The following ZNF704 variants were observed in gnomAD, a reference collection of about 807,000 sequenced individuals.
ZNF704 encodes the protein glucocorticoid induced gene 1.
Under a neutral mutation model 44.7 loss-of-function variants are expected in ZNF704, and 10 were observed. The observed-to-expected ratio is 0.22, with a 90% CI of 0.14 to 0.38. The LOEUF (loss-of-function observed/expected upper bound fraction) is 0.38. Ranked by LOEUF, ZNF704 falls within the 10% of genes least tolerant of loss-of-function variation. The pLI is 1.00. For missense variants in ZNF704, 390 were observed against 545.5 expected, an observed-to-expected ratio of 0.71 and a Z score of 2.84; for synonymous variants, 211 against 207.6, an observed-to-expected ratio of 1.02 and a Z score of -0.14.
intron 2 of ZNF704, among the ~76,000 whole-genome samples, chr8:80,702,605 GA>G (rs1229137796): frequency 7.2e-5 from 11 of 152,140 alleles, no homozygotes; most frequent in Non-Finnish European, 2.9e-5. Flanking sequence ...AGGTTGGAGG[GA>G]AAAGATGGGG....
intron 2 of ZNF704, among the ~76,000 whole-genome samples, chr8:80,712,945 G>C (rs1467329515): frequency 2.6e-5 from 4 of 151,914 alleles, no homozygotes; most frequent in Non-Finnish European, 5.9e-5. Flanking sequence ...ACCCAGGCTG[G>C]AGTGCAATGG....
At chr8:80,664,417 A>T (rs910567733) in intron 6 of ZNF704, among the ~76,000 whole-genome samples, 1 of 151,838 alleles carries the variant, frequency 6.6e-6, no homozygotes, top group African/African-American at 2.4e-5. Flanking sequence ...GATTACAGGC[A>T]TGTGCCACCA....
At position 80,769,772 on chromosome 8, in the gene ZNF704, A is replaced by G. The variant is rs143887951; in HGVS notation, c.221+51602T>C. Among the ~76,000 whole-genome samples, 815 of 151,888 alleles carry G rather than the reference A, an allele frequency of 5.4e-3. 8 individuals are homozygous for G. Among genetic ancestry groups the G allele is most frequent in the African/African-American group, 0.019 (786 of 41,392 alleles). On this transcript the variant is annotated intron_variant, in intron 2 of 8. Coordinates refer to ENST00000327835, the MANE Select transcript of ZNF704 (RefSeq NM_001033723.3). ...CTTCCAAGCCTTCCAAACTGTTCCAACCTCTGCCTGTTACCCGGGTCCAAA... is the reference window on the plus strand; with the variant it reads ...CTTCCAAGCCTTCCAAACTGTTCCAGCCTCTGCCTGTTACCCGGGTCCAAA...
intron 1 of ZNF704, among the ~76,000 whole-genome samples, chr8:80,853,924 G>A (rs1479598085): frequency 1.3e-5 from 2 of 152,074 alleles, no homozygotes; most frequent in Non-Finnish European, 2.9e-5. Flanking sequence ...AAAGACCAAA[G>A]CAAGAATAAG....
In ZNF704 at chr8:80,794,585, C is replaced by T. The variant is rs373283573; in HGVS notation, c.221+26789G>A. On this transcript the variant is annotated intron_variant, in intron 2 of 8. Coordinates refer to ENST00000327835, the MANE Select transcript of ZNF704 (RefSeq NM_001033723.3). ...AAGTTACTTTAATTTTCCAATATGT[C>T]TAACTTATTCTCAGGAAAAAAGCTA... 4.6e-5 allele frequency among the ~76,000 whole-genome samples: 7 copies of T among 152,290 alleles called. No homozygotes were observed. The East Asian group carries it at 7.7e-4, about 17-fold the overall frequency.
chr8:80,662,424 A>G (rs142569304), intron 6 of ZNF704, among the ~76,000 whole-genome samples: 1 of 152,288 alleles, frequency 6.6e-6, no homozygotes, highest in Non-Finnish European at 1.5e-5. Context: ...CATTATATAG[A>G]TGAGCAAAAT....
chr8:80,705,159 G>A (rs766159230), intron 2 of ZNF704, among the ~76,000 whole-genome samples: 7 of 152,134 alleles, frequency 4.6e-5, no homozygotes, highest in Non-Finnish European at 8.8e-5. Flanking sequence ...GAGCCTGAGC[G>A]TTTACCCCTG....
intron 2 of ZNF704, among the ~76,000 whole-genome samples, chr8:80,751,272 T>C (rs1164413754): frequency 1.3e-5 from 2 of 152,176 alleles, no homozygotes; most frequent in African/African-American, 2.4e-5. Context: ...TGCTGGTTCT[T>C]TCCTGGTGTT....
In ZNF704 at chr8:80,632,612, T is replaced by A. The variant is rs1336125861; in HGVS notation, c.*8754A>T. 6.6e-6 allele frequency: 1 copy of A among 152,244 alleles called. No homozygotes were observed. The highest frequency in any genetic ancestry group is 2.4e-5 in the African/African-American group (1 of 41,458). 9.4% of individuals were successfully genotyped at this position (152,244 alleles called of 1,614,324 possible). On this transcript the variant is annotated 3_prime_UTR_variant, in exon 9 of 9. Coordinates refer to ENST00000327835, the MANE Select transcript of ZNF704 (RefSeq NM_001033723.3). ...TCATGATATAAATAAATCAAGGGGA[T>A]CTTCTCTTTAGAAGTTGGTAGTTAT...
At chr8:80,773,081 C>T (rs1275307979) in intron 2 of ZNF704, among the ~76,000 whole-genome samples, 3 of 152,026 alleles carry the variant, frequency 2.0e-5, no homozygotes, top group Non-Finnish European at 2.9e-5. Context: ...TTATTCATTT[C>T]TAGATTACAT....
chr8:80,763,649 T>A (rs779904744), intron 2 of ZNF704, among the ~76,000 whole-genome samples: 1 of 152,308 alleles, frequency 6.6e-6, no homozygotes, highest in Non-Finnish European at 1.5e-5. Context: ...TGGAGACATT[T>A]CCCCCATTTC....
chr8:80,652,382 G>GT (rs1406119066), intron 7 of ZNF704, among the ~76,000 whole-genome samples: 7 of 151,942 alleles, frequency 4.6e-5, no homozygotes, highest in East Asian at 3.9e-4. Context: ...TCCAGGAGCT[G>GT]TTTTTTTTAA....
intron 2 of ZNF704, among the ~76,000 whole-genome samples, chr8:80,768,112 G>A (rs56233912): frequency 0.046 from 7,043 of 152,138 alleles, 582 homozygotes; most frequent in African/African-American, 0.16. Context: ...CTGCAAGATA[G>A]TGTGAGGAGA....
intron 2 of ZNF704, among the ~76,000 whole-genome samples, chr8:80,789,051 T>C (rs954583538): frequency 6.6e-6 from 1 of 152,030 alleles, no homozygotes; most frequent in African/African-American, 2.4e-5. Flanking sequence ...TGTTAAAGAG[T>C]AAAAAGATGA....
chr8:80,744,795 A>T (rs1806818360), intron 2 of ZNF704, among the ~76,000 whole-genome samples: 1 of 152,200 alleles, frequency 6.6e-6, no homozygotes, highest in Non-Finnish European at 1.5e-5. Context: ...AACCAATATT[A>T]AACATTCAAG....
intron 1 of ZNF704, among the ~76,000 whole-genome samples, chr8:80,871,804 G>C (rs1464345555): frequency 6.6e-6 from 1 of 152,202 alleles, no homozygotes; most frequent in African/African-American, 2.4e-5. Flanking sequence ...CTTTAAAAGA[G>C]TAATTTAAAA....
At chr8:80,736,481 T>C (rs1368712371) in intron 2 of ZNF704, among the ~76,000 whole-genome samples, 3 of 152,182 alleles carry the variant, frequency 2.0e-5, no homozygotes, top group Non-Finnish European at 2.9e-5. Flanking sequence ...GGTTTCACCA[T>C]GTTGGCCAGG....
At chr8:80,782,556 A>G (rs1380021985) in intron 2 of ZNF704, among the ~76,000 whole-genome samples, 2 of 152,324 alleles carry the variant, frequency 1.3e-5, no homozygotes, top group East Asian at 1.9e-4. Flanking sequence ...ATCACATGAT[A>G]TGTAGAGTCC....
chr8:80,773,715 GTTCTTTTCTTTCAGCACATGAAAAATA>G (rs1463580315), intron 2 of ZNF704, among the ~76,000 whole-genome samples: 1 of 152,128 alleles, frequency 6.6e-6, no homozygotes, highest in African/African-American at 2.4e-5. Context: ...TGGATTGACA[GTTCTTTTCTTTCAGCACATGAAAAATA>G]TTTTGCTATT....
Sources: gnomAD v4.1 joint callset for allele counts (sites outside exome capture counted in the v4.1 genomes callset) on GRCh38, gnomAD v4.1.1 for gene constraint, MANE v1.5 for transcripts, NCBI Gene and HGNC (gene_info 2026-07-23, HGNC 2026-07-21) for gene names.